The following PCDH11X variants were observed in gnomAD, a reference collection of about 807,000 sequenced individuals.
PCDH11X encodes the protein protocadherin-11 X-linked.
In PCDH11X, 18 loss-of-function variants were observed where a neutral mutation model predicts 53.3. The observed-to-expected ratio is 0.34, with a 90% CI of 0.23 to 0.50. The LOEUF (loss-of-function observed/expected upper bound fraction) is 0.50. Ranked by LOEUF, PCDH11X falls within the 20% of genes least tolerant of loss-of-function variation. The pLI, the probability that PCDH11X is intolerant of heterozygous loss-of-function variation, is 0.98. For synonymous variants in PCDH11X, 279 were observed against 393.3 expected (o/e 0.71, Z 3.44); for missense variants, 570 against 1,032.4 (o/e 0.55, Z 6.14).
intron 9 of PCDH11X, among the ~76,000 whole-genome samples, chrX:92,393,337 G>A (rs1254213827): frequency 9.1e-6 from 1 of 110,335 alleles, no homozygotes; most frequent in Non-Finnish European, 1.9e-5. Context: ...AGAGGGGGGA[G>A]TAAAATAATT....
rs909141647 is a variant in PCDH11X at position 91,992,306 on chromosome X, T to C, written c.3033+113033T>C. Among the ~76,000 whole-genome samples, 196 of 107,739 alleles carry C rather than the reference T, an allele frequency of 1.8e-3. 2 individuals are homozygous for C. The highest frequency in any genetic ancestry group is 2.8e-3 in the Non-Finnish European group (147 of 52,339). 93.6% of individuals were successfully genotyped at this position (107,739 alleles called of 115,157 possible). The stretch of plus-strand genomic sequence containing the variant: ...TCAAATGTATATCAATCTACACTAC[T>C]GTAGTCGCTTCAGTCATAAATGCTG... On this transcript the variant is annotated intron_variant, in intron 6 of 10. Transcript: ENST00000682573.
intron 10 of PCDH11X, among the ~76,000 whole-genome samples, chrX:92,509,191 C>T (rs2074119373): frequency 9.3e-6 from 1 of 107,686 alleles, no homozygotes; most frequent in Non-Finnish European, 1.9e-5. Context: ...ATCAATTGGA[C>T]CATTATCCAG....
At chrX:92,001,327 A>G (rs2062504965) in intron 6 of PCDH11X, among the ~76,000 whole-genome samples, 1 of 111,569 alleles carries the variant, frequency 9.0e-6, no homozygotes, top group South Asian at 3.7e-4. Flanking sequence ...CTCTGATATC[A>G]GTGATGTTGA....
At chrX:91,992,134 CTT>C (rs2062338668) in intron 6 of PCDH11X, among the ~76,000 whole-genome samples, 2 of 104,124 alleles carry the variant, frequency 1.9e-5, no homozygotes, top group South Asian at 4.6e-4. Context: ...CTTATAGTAA[CTT>C]ATGTGAGATT....
intron 6 of PCDH11X, among the ~76,000 whole-genome samples, chrX:92,147,569 C>G (rs1352063609): frequency 3.6e-5 from 4 of 110,481 alleles, no homozygotes; most frequent in Non-Finnish European, 7.6e-5. Context: ...GTTCTCAGGT[C>G]TTTCTAATAT....
intron 1 of PCDH11X, among the ~76,000 whole-genome samples, chrX:91,790,517 ACTT>A (rs1396467176): frequency 3.6e-5 from 4 of 112,326 alleles, no homozygotes; most frequent in Non-Finnish European, 7.5e-5. Context: ...AATTTGAAAA[ACTT>A]CTTTTTATTT....
chrX:92,536,653 C>CTTTTT (rs57786279), intron 10 of PCDH11X, among the ~76,000 whole-genome samples: 3 of 49,831 alleles, frequency 6.0e-5, no homozygotes, highest in Non-Finnish European at 1.1e-4. Context: ...GGATAAAAGC[C>CTTTTT]TTTTTTTTTT....
At chrX:92,408,340 CATT>C (rs1411732891) in intron 9 of PCDH11X, among the ~76,000 whole-genome samples, 34 of 107,435 alleles carry the variant, frequency 3.2e-4, no homozygotes, top group African/African-American at 1.2e-3. Flanking sequence ...TTCCCTTTAT[CATT>C]ATTATTTGAA....
chrX:92,385,171 TTGA>T (rs1236468229), intron 8 of PCDH11X, among the ~76,000 whole-genome samples: 1 of 88,472 alleles, frequency 1.1e-5, no homozygotes, highest in Non-Finnish European at 2.4e-5. Context: ...GAATAGAGTA[TTGA>T]TGATTATTTC....
chrX:92,600,035 T>A lies in PCDH11X; in HGVS notation c.3368-18229T>A, dbSNP rs371019638. 7.4e-4 allele frequency among the ~76,000 whole-genome samples: 80 copies of A among 108,729 alleles called. 2 individuals carry two copies. In the South Asian group the frequency reaches 0.031, roughly 42 times the overall value. 94.4% of individuals were successfully genotyped at this position (108,729 alleles called of 115,157 possible). A position where few individuals can be genotyped will look rare whatever the true frequency, so the allele number is the denominator to read the frequency against. ...AGCAGTAAAGCATTCAAGAGGTAAC[T>A]TGGGTGCTCTTAAATGCATTCAGTT... On this transcript the variant is annotated intron_variant, in intron 10 of 10. Coordinates refer to ENST00000682573, the MANE Select transcript of PCDH11X (RefSeq NM_032968.5).
intron 6 of PCDH11X, among the ~76,000 whole-genome samples, chrX:92,072,895 C>T (rs1227485189): frequency 9.0e-6 from 1 of 110,809 alleles, no homozygotes; most frequent in Admixed American, 9.7e-5. Flanking sequence ...GTTTCCTAGA[C>T]TGCTTTTCAA....
At chrX:92,022,200 G>T in intron 6 of PCDH11X, among the ~76,000 whole-genome samples, 1 of 108,533 alleles carries the variant, frequency 9.2e-6, no homozygotes, top group African/African-American at 3.4e-5. Context: ...TGGGCTAAAT[G>T]CCCCAATTAA....
intron 5 of PCDH11X, among the ~76,000 whole-genome samples, chrX:91,846,937 G>T (rs1196468988): frequency 8.9e-6 from 1 of 111,833 alleles, no homozygotes; most frequent in East Asian, 2.8e-4. Context: ...TGAATAATTG[G>T]ATTTGCTTTC....
chrX:91,976,820 A>G (rs1321160739), intron 6 of PCDH11X, among the ~76,000 whole-genome samples: 1 of 112,192 alleles, frequency 8.9e-6, no homozygotes, highest in East Asian at 2.8e-4. Flanking sequence ...ATTTATCAGA[A>G]TCACATATGG....
intron 6 of PCDH11X, among the ~76,000 whole-genome samples, chrX:92,048,737 C>T (rs2063327881): frequency 8.9e-6 from 1 of 111,822 alleles, no homozygotes; most frequent in African/African-American, 3.2e-5. Flanking sequence ...ACTTAAACTC[C>T]GTATTTGAAG....
At chrX:92,442,005 A>C (rs2072525566) in intron 9 of PCDH11X, among the ~76,000 whole-genome samples, 1 of 110,850 alleles carries the variant, frequency 9.0e-6, no homozygotes, top group Non-Finnish European at 1.9e-5. Context: ...ATGGAGTCAA[A>C]GGATATCATT....
chrX:92,337,629 G>C (rs1376537755), intron 8 of PCDH11X, among the ~76,000 whole-genome samples: 1 of 110,090 alleles, frequency 9.1e-6, no homozygotes, highest in African/African-American at 3.3e-5. Context: ...CTGTGTAATA[G>C]AGATATGTAT....
intron 6 of PCDH11X, among the ~76,000 whole-genome samples, chrX:91,912,443 T>A (rs1941401209): frequency 9.0e-6 from 1 of 111,147 alleles, no homozygotes; most frequent in African/African-American, 3.3e-5. Context: ...GTATATTTTT[T>A]CTATTCCTAG....
intron 10 of PCDH11X, among the ~76,000 whole-genome samples, chrX:92,604,986 G>T (rs1285946644): frequency 2.2e-5 from 2 of 90,854 alleles, no homozygotes; most frequent in African/African-American, 1.1e-4. Flanking sequence ...GTAATAGTTA[G>T]ATATTTCTAT....
Sources: allele counts gnomAD v4.1 joint callset (sites outside exome capture counted in the v4.1 genomes callset), GRCh38; gene constraint gnomAD v4.1.1; transcripts MANE v1.5; gene names NCBI Gene and HGNC (gene_info 2026-07-23, HGNC 2026-07-21).